NR6A1: variants seen among roughly 807,000 people sequenced by gnomAD.
The protein encoded by NR6A1 is retinoic acid receptor-related testis-associated receptor.
NR6A1 carries 7 observed loss-of-function variants against 59.1 expected under a neutral mutation model. The observed-to-expected ratio is 0.12, with a 90% confidence interval of 0.07 to 0.22. The LOEUF (loss-of-function observed/expected upper bound fraction) is 0.22. NR6A1 is among the 10% of genes least tolerant of loss of function. The probability of loss-of-function intolerance (pLI) is 1.00; values close to 1 mark genes in which losing one functional copy is unlikely to be tolerated. For missense variants in NR6A1, 468 were observed against 611.6 expected, an observed-to-expected ratio of 0.77 and a Z score of 2.48; for synonymous variants, 243 against 236.1, an observed-to-expected ratio of 1.03 and a Z score of -0.27.
At chr9:124,722,741 G>A (rs1466875256) in intron 2 of NR6A1, among the ~76,000 whole-genome samples, 1 of 152,074 alleles carries the variant, frequency 6.6e-6, no homozygotes, top group African/African-American at 2.4e-5. Context: ...TTCTGAGACA[G>A]GGTCTCACTC....
At chr9:124,600,701 A>T (rs1213669070) in intron 2 of NR6A1, among the ~76,000 whole-genome samples, 1 of 152,324 alleles carries the variant, frequency 6.6e-6, no homozygotes, top group African/African-American at 2.4e-5. Context: ...TGACAGTATG[A>T]TGTTATGAGT....
At position 124,548,632 on chromosome 9, in the gene NR6A1, AC is replaced by A. The variant is rs530320498; in HGVS notation, c.386-4776del. On this transcript the variant is annotated intron_variant, in intron 3 of 9. Transcript: ENST00000487099. ...TGAGATTTCTCAGTGCTTCATGCAG[AC>A]CTCTGTGTTGTGTCCTGGGGCACTT... is the stretch of plus-strand genomic sequence containing the variant. 1.4e-4 allele frequency among the ~76,000 whole-genome samples: 22 copies of A among 152,302 alleles called. 1 individual carries two copies. The East Asian group carries it at 4.2e-3, about 29-fold the overall frequency.
chr9:124,731,749 T>C lies in NR6A1; in HGVS notation c.142+1559A>G, dbSNP rs186918585. On this transcript the variant is annotated intron_variant, in intron 2 of 9. Coordinates refer to ENST00000487099, the MANE Select transcript of NR6A1 (RefSeq NM_033334.4). The stretch of plus-strand genomic sequence containing the variant: ...TTTCTTAACAACATGTTCTCTTCTC[T>C]AGTGTACTTTATTGTAACAATATAG... Among the ~76,000 whole-genome samples, 36 of 152,362 alleles carry C rather than the reference T, an allele frequency of 2.4e-4. No homozygotes were observed. The Middle Eastern group carries it at 0.01, about 43-fold the overall frequency.
chr9:124,674,449 GTCTT>G (rs1041871918), intron 2 of NR6A1, among the ~76,000 whole-genome samples: 4 of 152,014 alleles, frequency 2.6e-5, no homozygotes, highest in East Asian at 1.9e-4. Flanking sequence ...CCCTTACTGT[GTCTT>G]TCTATTTTCA....
chr9:124,645,058 G>A lies in NR6A1; in HGVS notation c.142+88250C>T, dbSNP rs574921064. ...CCTAACGGAAACAAAATGAATGACAGCAAAATAGACTTGGATTGGTTATAA... is the reference window on the plus strand; with the variant it reads ...CCTAACGGAAACAAAATGAATGACAACAAAATAGACTTGGATTGGTTATAA... On this transcript the variant is annotated intron_variant, in intron 2 of 9. Coordinates refer to ENST00000487099, the MANE Select transcript of NR6A1 (RefSeq NM_033334.4). Among the ~76,000 whole-genome samples the A allele has an allele frequency of 4.3e-4, 65 of 152,306 alleles. 1 individual carries two copies. Among genetic ancestry groups the A allele is most frequent in the Admixed American group, 7.8e-4 (12 of 15,292 alleles).
At chr9:124,686,174 A>C (rs1445646761) in intron 2 of NR6A1, among the ~76,000 whole-genome samples, 3 of 152,212 alleles carry the variant, frequency 2.0e-5, no homozygotes, top group South Asian at 2.1e-4. Context: ...TTAAAGTATA[A>C]ATTACTATAA....
intron 2 of NR6A1, among the ~76,000 whole-genome samples, chr9:124,631,615 G>A (rs1422314495): frequency 6.6e-6 from 1 of 152,022 alleles, no homozygotes; most frequent in Non-Finnish European, 1.5e-5. Context: ...CTCCCACAAA[G>A]ACAAAAAACT....
chr9:124,705,780 C>T lies in NR6A1; in HGVS notation c.142+27528G>A, dbSNP rs140554982. 5.1e-3 allele frequency among the ~76,000 whole-genome samples: 658 copies of T among 129,192 alleles called. 5 individuals carry two copies. The highest frequency in any genetic ancestry group is 0.016 in the African/African-American group (611 of 37,812). 84.8% of individuals were successfully genotyped at this position (129,192 alleles called of 152,430 possible). ...TTTTAGGGTACACCATTTCAATCCC[C>T]CCTTTTTTTTTTTTTGACAGAGTCT... On this transcript the variant is annotated intron_variant, in intron 2 of 9. Coordinates refer to ENST00000487099, the MANE Select transcript of NR6A1 (RefSeq NM_033334.4).
At chr9:124,705,095 T>C (rs1839085045) in intron 2 of NR6A1, among the ~76,000 whole-genome samples, 1 of 152,240 alleles carries the variant, frequency 6.6e-6, no homozygotes, top group Non-Finnish European at 1.5e-5. Flanking sequence ...TATTTATACG[T>C]ATGTTGTTTA....
intron 2 of NR6A1, chr9:124,698,251 T>G (rs558965704): frequency 6.6e-6 from 1 of 152,176 alleles, no homozygotes; most frequent in Non-Finnish European, 1.5e-5. Context: ...TCAGATCATA[T>G]AAATCTTTCG....
chr9:124,760,310 T>A lies in NR6A1; in HGVS notation c.100+10710A>T, dbSNP rs570784357. ...CTGGGAGACAGAGTGAGACTCCAACTAAAAAAAAATAAATAAATAAAAATA... is the reference window on the plus strand; with the variant it reads ...CTGGGAGACAGAGTGAGACTCCAACAAAAAAAAAATAAATAAATAAAAATA... On this transcript the variant is annotated intron_variant, in intron 1 of 9. Transcript: ENST00000487099. Among the ~76,000 whole-genome samples the A allele has an allele frequency of 8.4e-4, 125 of 148,290 alleles. 1 individual carries two copies. The South Asian group carries it at 0.025, about 30-fold the overall frequency.
intron 7 of NR6A1, among the ~76,000 whole-genome samples, chr9:124,531,476 T>C (rs1231360897): frequency 2.0e-5 from 3 of 152,100 alleles, no homozygotes; most frequent in Non-Finnish European, 2.9e-5. Flanking sequence ...TGTGAAGAAG[T>C]AAAGGCCATC....
At chr9:124,595,863 G>A (rs1216679713) in intron 2 of NR6A1, 1 of 1,268,010 alleles carries the variant, frequency 7.9e-7, no homozygotes, top group Admixed American at 2.3e-5. Context: ...TCCGACACTT[G>A]GTCAATTCCT....
Position 124,736,688 on chromosome 9 carries a change from A to G in NR6A1, c.101-3339T>C, listed in dbSNP as rs150581428. Among the ~76,000 whole-genome samples, 258 of 152,074 alleles carry G rather than the reference A, an allele frequency of 1.7e-3. 1 individual carries two copies. The East Asian group carries it at 0.02, about 12-fold the overall frequency. On this transcript the variant is annotated intron_variant, in intron 1 of 9. Transcript: ENST00000487099. ...GTGAAACCCTATCTCTACCAAAAAAATACAAAAGTTAGCCAGGTGTGGTGG... is the reference window on the plus strand; with the variant it reads ...GTGAAACCCTATCTCTACCAAAAAAGTACAAAAGTTAGCCAGGTGTGGTGG...
chr9:124,701,083 A>G (rs967907592), intron 2 of NR6A1, among the ~76,000 whole-genome samples: 1 of 152,204 alleles, frequency 6.6e-6, no homozygotes, highest in Non-Finnish European at 1.5e-5. Flanking sequence ...TTGTATGGAC[A>G]TAAGTTTTTA....
Position 124,683,818 on chromosome 9 carries a change from A to G in NR6A1, c.142+49490T>C, listed in dbSNP as rs190679710. On this transcript the variant is annotated intron_variant, in intron 2 of 9. Transcript: ENST00000487099. ...CAAAAATAAAAAAATATAAATAAAT[A>G]CAATTACTCACTAACCTTCATTTTA... Among the ~76,000 whole-genome samples the G allele has an allele frequency of 1.6e-3, 250 of 152,304 alleles. 1 individual carries two copies. The highest frequency in any genetic ancestry group is 3.1e-3 in the Non-Finnish European group (213 of 68,010).
At chr9:124,758,344 T>G (rs1357157090) in intron 1 of NR6A1, among the ~76,000 whole-genome samples, 1 of 152,200 alleles carries the variant, frequency 6.6e-6, no homozygotes, top group Non-Finnish European at 1.5e-5. Flanking sequence ...AAGTTTCCCT[T>G]CTGTTTTGCA....
rs957996542 is a variant in NR6A1 at position 124,521,427 on chromosome 9, G to A, written c.*1278C>T. On this transcript the variant is annotated 3_prime_UTR_variant, in exon 10 of 10. Transcript: ENST00000487099. Reference sequence around the variant, plus strand: ...CTGGCCAGTCCACTGCTGAAGTAAGGGGCAGCTGAGCCACTCTGGGCCTTG... The same window carrying A: ...CTGGCCAGTCCACTGCTGAAGTAAGAGGCAGCTGAGCCACTCTGGGCCTTG... The A allele has an allele frequency of 6.6e-6, 1 of 152,324 alleles. No individual in the cohort carries two copies. Among genetic ancestry groups the A allele is most frequent in the Non-Finnish European group, 1.5e-5 (1 of 68,128 alleles). 9.4% of individuals were successfully genotyped at this position (152,324 alleles called of 1,614,324 possible).
chr9:124,748,729 G>C (rs948553514), intron 1 of NR6A1, among the ~76,000 whole-genome samples: 4 of 152,036 alleles, frequency 2.6e-5, no homozygotes, highest in African/African-American at 9.7e-5. Flanking sequence ...GCCAGGCGCG[G>C]TGGCAGGCGC....
Sources: allele counts gnomAD v4.1 joint callset (sites outside exome capture counted in the v4.1 genomes callset), GRCh38; gene constraint gnomAD v4.1.1; transcripts MANE v1.5; gene names NCBI Gene and HGNC (gene_info 2026-07-23, HGNC 2026-07-21).